MSR1: variants seen among roughly 807,000 people sequenced by gnomAD.
The protein encoded by MSR1 is macrophage scavenger receptor types I and II.
In MSR1, 53 loss-of-function variants were observed where a neutral mutation model predicts 47.2. The observed-to-expected ratio is 1.12, with a 90% CI of 0.90 to 1.41. The LOEUF is 1.41. Ranked by LOEUF, MSR1 falls within the 40% of genes most tolerant of loss-of-function variation. The pLI, the probability that MSR1 is intolerant of heterozygous loss-of-function variation, is 0.00. For missense variants in MSR1, 786 were observed against 546.9 expected (o/e 1.44, Z -4.36); for synonymous variants, 239 against 185.6 (o/e 1.29, Z -2.34).
chr8:16,122,873 G>A (rs1212421305), intron 8 of MSR1, among the ~76,000 whole-genome samples: 3 of 120,550 alleles, frequency 2.5e-5, no homozygotes, highest in Non-Finnish European at 4.9e-5. Context: ...TTGAGACGGA[G>A]TCTTGCTGTC....
chr8:16,189,915 C>CTT (rs760309231), intron 1 of MSR1, among the ~76,000 whole-genome samples: 13,998 of 119,026 alleles, frequency 0.12, 1,409 homozygotes, highest in African/African-American at 0.22. Context: ...TAAATATTTC[C>CTT]TTTTTTTTTT....
intron 3 of MSR1, among the ~76,000 whole-genome samples, chr8:16,170,388 G>A (rs1185024459): frequency 6.6e-6 from 1 of 151,706 alleles, no homozygotes; most frequent in African/African-American, 2.4e-5. Flanking sequence ...TAGAGAATGA[G>A]GAAAATGTTA....
Position 16,168,857 on chromosome 8 carries a change from C to T in MSR1, c.231G>A (p.Lys77=), listed in dbSNP as rs764521776. ...LIGIVAAQLL[K]WETKNCSVSS... is the part of the protein sequence containing the mutation. ...TAACTGAGCAATTCTTCGTTTCCCACTTCAGGAGTTGAGCTGTATATTTAA... is the reference window on the plus strand; with the variant it reads ...TAACTGAGCAATTCTTCGTTTCCCATTTCAGGAGTTGAGCTGTATATTTAA... The change falls in exon 4 of 10, where the codon AAG becomes AAA. Residue 77 remains lysine (K), a synonymous_variant. Transcript: ENST00000262101. 6.8e-6 allele frequency: 11 copies of T among 1,613,168 alleles called. No homozygotes were observed. In the Admixed American group the frequency reaches 1.7e-4, roughly 24 times the overall value.
At chr8:16,163,210 C>T (rs1368751602) in intron 5 of MSR1, among the ~76,000 whole-genome samples, 1 of 151,576 alleles carries the variant, frequency 6.6e-6, no homozygotes, top group African/African-American at 2.4e-5. Context: ...GGCAATACAG[C>T]AAAGCAAAAG....
intron 2 of MSR1, 43 bp from the exon 3 acceptor site, chr8:16,175,343 T>C (rs781411623): frequency 1.4e-6 from 2 of 1,449,368 alleles, no homozygotes; most frequent in Non-Finnish European, 1.9e-6. Context: ...GAAAGTGTTG[T>C]CTTCTTCCAT....
chr8:16,134,202 T>A (rs1033300775), intron 8 of MSR1, among the ~76,000 whole-genome samples: 3 of 152,168 alleles, frequency 2.0e-5, no homozygotes, highest in Non-Finnish European at 4.4e-5. Context: ...TTGGTTCCAT[T>A]TTAGCAATAT....
intron 1 of MSR1, among the ~76,000 whole-genome samples, chr8:16,188,744 G>T (rs978846040): frequency 1.0e-3 from 159 of 151,978 alleles, no homozygotes; most frequent in African/African-American, 3.6e-3. Context: ...TGTCACTTAT[G>T]AGTGAGAACA....
intron 9 of MSR1, among the ~76,000 whole-genome samples, chr8:16,113,152 GT>G (rs1333255915): frequency 6.6e-6 from 1 of 151,746 alleles, no homozygotes; most frequent in Non-Finnish European, 1.5e-5. Flanking sequence ...GTTTCACCAT[GT>G]TGGCCAGAAT....
chr8:16,174,879 G>A (rs1254533346), intron 3 of MSR1, among the ~76,000 whole-genome samples: 1 of 152,102 alleles, frequency 6.6e-6, no homozygotes, highest in African/African-American at 2.4e-5. Context: ...ACATTAGAAG[G>A]AGAGGACTCT....
At chr8:16,190,180 G>C (rs886565575) in intron 1 of MSR1, among the ~76,000 whole-genome samples, 1 of 152,000 alleles carries the variant, frequency 6.6e-6, no homozygotes, top group Non-Finnish European at 1.5e-5. Context: ...TTACAGATGT[G>C]AGCCACTGCC....
intron 1 of MSR1, among the ~76,000 whole-genome samples, chr8:16,179,584 G>T (rs1425054931): frequency 1.3e-5 from 2 of 152,006 alleles, no homozygotes; most frequent in African/African-American, 4.8e-5. Flanking sequence ...GATCTTTTAA[G>T]AAAATTATTT....
intron 6 of MSR1, 46 bp downstream of exon 6, chr8:16,155,018 T>C (rs760493469): frequency 1.4e-6 from 2 of 1,472,316 alleles, no homozygotes; most frequent in South Asian, 1.1e-5. Flanking sequence ...TGGATGTATA[T>C]CATCTATCTT....
At chr8:16,118,881 G>T (rs1008785453) in intron 9 of MSR1, among the ~76,000 whole-genome samples, 3 of 152,102 alleles carry the variant, frequency 2.0e-5, no homozygotes, top group Non-Finnish European at 2.9e-5. Context: ...TTGACCTTGA[G>T]AATATCTTAC....
rs546422123 is a variant in MSR1, at chr8:16,128,877, CGTT to C, written c.1034-8274_1034-8272del. 2.9e-3 allele frequency among the ~76,000 whole-genome samples: 447 copies of C among 152,044 alleles called. 4 individuals are homozygous for C. The highest frequency in any genetic ancestry group is 9.5e-3 in the African/African-American group (392 of 41,456). ...GAAGGACCTATTAGATGTTTTAATA[CGTT>C]AATAATAATAATATGTTTGTTAGCT... On this transcript the variant is annotated intron_variant, in intron 8 of 9. Coordinates refer to ENST00000262101, the MANE Select transcript of MSR1 (RefSeq NM_138715.3).
intron 5 of MSR1, among the ~76,000 whole-genome samples, chr8:16,155,547 T>C (rs1800982519): frequency 6.6e-6 from 1 of 151,954 alleles, no homozygotes; most frequent in Admixed American, 6.6e-5. Context: ...AGTAAGAACT[T>C]AAAAGACATT....
In MSR1 at chr8:16,186,410, C is replaced by G; in HGVS notation, c.-5+6188G>C. Reference sequence around the variant, plus strand: ...TATCTCTTGCCCATAGCTCGTCTCTCAACTACAAACCCATATATGCACTGC... The same window carrying G: ...TATCTCTTGCCCATAGCTCGTCTCTGAACTACAAACCCATATATGCACTGC... On this transcript the variant is annotated intron_variant, in intron 1 of 9. Transcript: ENST00000262101. 3 of 533,504 alleles carry G rather than the reference C, an allele frequency of 5.6e-6. No individual in the cohort carries two copies. The South Asian group carries it at 9.6e-5, about 17-fold the overall frequency. 33.0% of individuals were successfully genotyped at this position (533,504 alleles called of 1,614,324 possible).
At chr8:16,112,834 TTC>T (rs994455990) in intron 9 of MSR1, among the ~76,000 whole-genome samples, 3 of 151,652 alleles carry the variant, frequency 2.0e-5, no homozygotes, top group South Asian at 4.2e-4. Context: ...CTTCCTCTCT[TTC>T]TCTCTCTCTC....
At chr8:16,149,391 T>C (rs748201210) in intron 7 of MSR1, among the ~76,000 whole-genome samples, 1 of 152,006 alleles carries the variant, frequency 6.6e-6, no homozygotes, top group Non-Finnish European at 1.5e-5. Context: ...TATTCCTTTT[T>C]TTTCTTTTTC....
intron 5 of MSR1, among the ~76,000 whole-genome samples, chr8:16,160,578 T>C (rs182511493): frequency 1.3e-5 from 2 of 152,070 alleles, no homozygotes; most frequent in African/African-American, 2.4e-5. Context: ...TGATTTCATA[T>C]AGTGGTAAAA....
Sources: gnomAD v4.1 joint callset for allele counts (sites outside exome capture counted in the v4.1 genomes callset) on GRCh38, gnomAD v4.1.1 for gene constraint, MANE v1.5 for transcripts, NCBI Gene and HGNC (gene_info 2026-07-23, HGNC 2026-07-21) for gene names.